NUSAP1: variants seen among roughly 807,000 people sequenced by gnomAD.
The protein encoded by NUSAP1 is nucleolar and spindle-associated protein 1.
NUSAP1 carries 32 observed loss-of-function variants against 52.8 expected under a neutral mutation model. The observed-to-expected ratio is 0.61, with a 90% CI of 0.46 to 0.81. The LOEUF (loss-of-function observed/expected upper bound fraction) is 0.81. NUSAP1 is among the 40% of genes least tolerant of loss of function. The pLI is 0.00. For synonymous variants in NUSAP1, 195 were observed against 183.1 expected, an observed-to-expected ratio of 1.06 and a Z score of -0.52; for missense variants, 499 against 522.3, an observed-to-expected ratio of 0.96 and a Z score of 0.43.
rs774220296 is a variant in NUSAP1 at position 41,375,729 on chromosome 15, T to C, written c.1024T>C (p.Leu342=). Reference sequence around the variant, plus strand: ...GTTTTTAGTTATTACCCCATTCAAGTTGACAACTGAGGCAACGCAGACTCC... The same window carrying C: ...GTTTTTAGTTATTACCCCATTCAAGCTGACAACTGAGGCAACGCAGACTCC... ...NSAAVITPFK[L]TTEATQTPVS... The change falls in exon 9 of 11, where the codon TTG becomes CTG. Residue 342 remains leucine, a synonymous_variant. Transcript: ENST00000559596. 2.5e-6 allele frequency: 4 copies of C among 1,612,942 alleles called. No individual in the cohort carries two copies. The highest frequency in any genetic ancestry group is 2.5e-6 in the Non-Finnish European group (3 of 1,179,072).
chr15:41,337,769 T>G (rs1293791957), intron 1 of NUSAP1, among the ~76,000 whole-genome samples: 1 of 152,166 alleles, frequency 6.6e-6, no homozygotes, highest in Non-Finnish European at 1.5e-5. Context: ...CACGCTGTCC[T>G]GCCTTACTAG....
rs1056933684 is a variant in NUSAP1 at position 41,358,206 on chromosome 15, T to C, written c.608T>C (p.Ile203Thr). Residue 203 changes from isoleucine (I) to threonine (T), a missense_variant, in exon 6 of 11, where the codon ATT becomes ACT. Physicochemically the swap from Ile to Thr is moderately conservative, Grantham distance 89. Transcript: ENST00000559596. The stretch of plus-strand genomic sequence containing the variant: ...GAAATGGAGTCCATTGATCAATATA[T>C]TGAGAGAAAAAAGAAACATTTTGAA... ...FKEMESIDQY[I>T]ERKKKHFEEH... The C allele has an allele frequency of 1.3e-6, 2 of 1,580,892 alleles. No individual in the cohort carries two copies. Among genetic ancestry groups the C allele is most frequent in the Non-Finnish European group, 1.7e-6 (2 of 1,153,510 alleles).
intron 1 of NUSAP1, among the ~76,000 whole-genome samples, chr15:41,336,606 A>C (rs1385788754): frequency 1.3e-5 from 2 of 150,710 alleles, no homozygotes; most frequent in Non-Finnish European, 2.9e-5. Context: ...TTAAATATGC[A>C]ACGCTAAACC....
intron 2 of NUSAP1, among the ~76,000 whole-genome samples, chr15:41,345,189 G>A (rs1170856351): frequency 5.3e-5 from 8 of 151,976 alleles, no homozygotes; most frequent in Non-Finnish European, 4.4e-5. Context: ...TAGTAGAGAC[G>A]GGGTTTCACA....
At chr15:41,350,443 T>G (rs1026840881) in intron 3 of NUSAP1, among the ~76,000 whole-genome samples, 6 of 152,020 alleles carry the variant, frequency 3.9e-5, no homozygotes, top group African/African-American at 1.4e-4. Flanking sequence ...TTAAAAGAAC[T>G]TGTATTTCTC....
chr15:41,364,570 A>C (rs2049311416), intron 6 of NUSAP1, among the ~76,000 whole-genome samples: 1 of 151,934 alleles, frequency 6.6e-6, no homozygotes, highest in Non-Finnish European at 1.5e-5. Context: ...AAAGAAAGAA[A>C]AGATAATGCC....
intron 4 of NUSAP1, 116 bp downstream of exon 4, chr15:41,351,245 A>G (rs1227544019): frequency 8.0e-6 from 8 of 997,710 alleles, no homozygotes; most frequent in Admixed American, 3.0e-5. Context: ...TGGGCAGCTT[A>G]GAACAACAGA....
intron 4 of NUSAP1, among the ~76,000 whole-genome samples, chr15:41,353,451 G>A (rs2048849983): frequency 6.6e-6 from 1 of 152,102 alleles, no homozygotes; most frequent in African/African-American, 2.4e-5. Flanking sequence ...CAAATATCCT[G>A]TTTCTCATGA....
chr15:41,373,239 C>T lies in NUSAP1; in HGVS notation c.1006+1555C>T, dbSNP rs142092522. Among the ~76,000 whole-genome samples, 400 of 151,940 alleles carry T rather than the reference C, an allele frequency of 2.6e-3. 1 individual carries two copies. Among genetic ancestry groups the T allele is most frequent in the African/African-American group, 9.0e-3 (375 of 41,462 alleles). ...CAAAACCTCGTCTCTACTAAAAATA[C>T]GAAAATTAGCCGGGCGTGGTGGCAC... On this transcript the variant is annotated intron_variant, in intron 8 of 10. Transcript: ENST00000559596.
chr15:41,378,760 A>C (rs1479428322), intron 10 of NUSAP1, among the ~76,000 whole-genome samples: 3 of 151,796 alleles, frequency 2.0e-5, no homozygotes, highest in Non-Finnish European at 4.4e-5. Context: ...ACAAGAGCAA[A>C]ACTCCGTCTC....
intron 6 of NUSAP1, among the ~76,000 whole-genome samples, chr15:41,359,730 C>A (rs2049100024): frequency 6.6e-6 from 1 of 151,550 alleles, no homozygotes; most frequent in South Asian, 2.1e-4. Context: ...CTCCCTGATT[C>A]AAGTGATTTT....
At chr15:41,336,652 T>G (rs1324848383) in intron 1 of NUSAP1, among the ~76,000 whole-genome samples, 3 of 142,948 alleles carry the variant, frequency 2.1e-5, no homozygotes, top group East Asian at 2.0e-4. Flanking sequence ...CTTTTGGTTT[T>G]TTTTTTTTTT....
intron 2 of NUSAP1, among the ~76,000 whole-genome samples, chr15:41,346,826 CA>C (rs869102244): frequency 2.3e-5 from 3 of 129,892 alleles, no homozygotes; most frequent in Non-Finnish European, 3.2e-5. Context: ...GACCCCGTCT[CA>C]AAAATAAATA....
At chr15:41,349,308 T>A in intron 3 of NUSAP1, 67 bp downstream of exon 3, 1 of 1,475,962 alleles carries the variant, frequency 6.8e-7, no homozygotes, top group Non-Finnish European at 9.3e-7. Context: ...TTATGGAGAT[T>A]TCTTTTTAAA....
rs773625086 is a variant in NUSAP1 at position 41,356,145 on chromosome 15, G to A, written c.550+5G>A. 1 of 1,539,736 alleles carries A rather than the reference G, an allele frequency of 6.5e-7. No homozygotes were observed. Among genetic ancestry groups the A allele is most frequent in the Non-Finnish European group, 8.9e-7 (1 of 1,120,932 alleles). ...GAACTGCAATCACTACTCCAAGTAA[G>A]TTTTGTAGACAAAGCCATAATAAGT... On this transcript the variant is annotated splice_donor_5th_base_variant and intron_variant, in intron 5 of 10. Transcript: ENST00000559596.
intron 2 of NUSAP1, among the ~76,000 whole-genome samples, chr15:41,344,410 G>A (rs1225899730): frequency 6.6e-6 from 1 of 151,934 alleles, no homozygotes; most frequent in East Asian, 1.9e-4. Context: ...AGGCTGAGGC[G>A]GGTGGATTAT....
At chr15:41,348,715 C>T (rs1472710393) in intron 2 of NUSAP1, among the ~76,000 whole-genome samples, 3 of 152,202 alleles carry the variant, frequency 2.0e-5, no homozygotes, top group Non-Finnish European at 4.4e-5. Context: ...TCTTGGCTCA[C>T]TGCAACCTCC....
intron 2 of NUSAP1, among the ~76,000 whole-genome samples, chr15:41,344,711 C>T (rs1258583652): frequency 6.6e-6 from 1 of 151,916 alleles, no homozygotes; most frequent in South Asian, 2.1e-4. Context: ...AAGGCCAAGG[C>T]GGGTGGATCA....
At chr15:41,351,219 G>T in intron 4 of NUSAP1, 90 bp downstream of exon 4, 1 of 1,332,172 alleles carries the variant, frequency 7.5e-7, no homozygotes, top group South Asian at 1.4e-5. Flanking sequence ...GGACTGTTGT[G>T]ACAAAGCACC....
Sources: gnomAD v4.1 joint callset for allele counts (sites outside exome capture counted in the v4.1 genomes callset) on GRCh38, gnomAD v4.1.1 for gene constraint, MANE v1.5 for transcripts, NCBI Gene and HGNC (gene_info 2026-07-23, HGNC 2026-07-21) for gene names.